SHISA9: variants seen among roughly 807,000 people sequenced by gnomAD.
The protein encoded by SHISA9 is shisa family member 9.
In SHISA9, 13 loss-of-function variants were observed where a neutral mutation model predicts 38.0. That is an observed-to-expected ratio of 0.34 (90% CI 0.22 to 0.54). The LOEUF is 0.54. SHISA9 is among the 20% of genes least tolerant of loss of function. The pLI is 0.91. For synonymous variants in SHISA9, 275 were observed against 242.0 expected (o/e 1.14, Z -1.27); for missense variants, 538 against 575.8 (o/e 0.93, Z 0.67).
At chr16:13,011,748 C>T (rs534798495) in intron 2 of SHISA9, among the ~76,000 whole-genome samples, 14 of 152,302 alleles carry the variant, frequency 9.2e-5, no homozygotes, top group Non-Finnish European at 1.9e-4. Context: ...GTGTCGATCC[C>T]TTGACCTCGT....
chr16:13,288,305 G>A, the SHISA9 span, among the ~76,000 whole-genome samples: 1 of 152,144 alleles, frequency 6.6e-6, no homozygotes, highest in African/African-American at 2.4e-5. Context: ...ACGTTGCTGG[G>A]AAGAGGCAGT....
intron 2 of SHISA9, among the ~76,000 whole-genome samples, chr16:13,008,660 TCCCTTCCTCCCTCC>T (rs2072630392): frequency 8.6e-5 from 2 of 23,156 alleles, no homozygotes; most frequent in African/African-American, 4.2e-4. Flanking sequence ...CCTCCCTCCC[TCCCTTCCTCCCTCC>T]CTCCCTCTCT....
the SHISA9 span, among the ~76,000 whole-genome samples, chr16:13,367,708 GCGCGCA>G: frequency 0.077 from 8,943 of 116,244 alleles, 334 homozygotes; most frequent in South Asian, 0.13. Flanking sequence ...GCGCGCGCGC[GCGCGCA>G]CACACACACA....
At chr16:13,324,180 T>C in the SHISA9 span, among the ~76,000 whole-genome samples, 1 of 152,208 alleles carries the variant, frequency 6.6e-6, no homozygotes, top group Non-Finnish European at 1.5e-5. Context: ...TCTGCAGAAC[T>C]GTAAGGCAAA....
At chr16:13,157,154 G>A (rs137971343) in intron 2 of SHISA9, among the ~76,000 whole-genome samples, 7 of 151,802 alleles carry the variant, frequency 4.6e-5, no homozygotes, top group African/African-American at 1.5e-4. Flanking sequence ...TCCATCATCC[G>A]TCCATCCCCC....
the SHISA9 span, among the ~76,000 whole-genome samples, chr16:13,455,160 C>T: frequency 6.6e-6 from 1 of 152,004 alleles, no homozygotes; most frequent in Admixed American, 6.6e-5. Flanking sequence ...TATATACATA[C>T]CTTAGTATTT....
intron 2 of SHISA9, among the ~76,000 whole-genome samples, chr16:13,016,222 A>C (rs758839935): frequency 1.4e-4 from 22 of 151,822 alleles, no homozygotes; most frequent in Non-Finnish European, 2.1e-4. Context: ...TGATCTGCCT[A>C]TCTTGGCCTC....
intron 4 of SHISA9, among the ~76,000 whole-genome samples, chr16:13,225,838 T>A (rs1596749085): frequency 6.6e-6 from 1 of 152,076 alleles, no homozygotes; most frequent in Non-Finnish European, 1.5e-5. Flanking sequence ...TGGAGGAAGG[T>A]ATAGTTTAAT....
the SHISA9 span, among the ~76,000 whole-genome samples, chr16:13,306,840 G>A: frequency 6.6e-6 from 1 of 152,086 alleles, no homozygotes; most frequent in South Asian, 2.1e-4. Flanking sequence ...AAAATTTGTG[G>A]CCATATCTTA....
chr16:13,041,577 T>G (rs932921928), intron 2 of SHISA9, among the ~76,000 whole-genome samples: 1 of 152,234 alleles, frequency 6.6e-6, no homozygotes, highest in African/African-American at 2.4e-5. Context: ...TACCCTCTGA[T>G]TTATTTTGTG....
intron 2 of SHISA9, among the ~76,000 whole-genome samples, chr16:13,092,150 A>T (rs1282056286): frequency 6.6e-6 from 1 of 152,228 alleles, no homozygotes; most frequent in Non-Finnish European, 1.5e-5. Context: ...AACAGCAAAT[A>T]TTGCAGAACA....
chr16:13,367,746 A>ACACC, the SHISA9 span, among the ~76,000 whole-genome samples: 2 of 146,860 alleles, frequency 1.4e-5, no homozygotes, highest in East Asian at 2.0e-4. Flanking sequence ...ACACACACAC[A>ACACC]CACCCCTGAA....
chr16:13,062,466 A>C (rs919036031), intron 2 of SHISA9, among the ~76,000 whole-genome samples: 1 of 152,172 alleles, frequency 6.6e-6, no homozygotes, highest in Non-Finnish European at 1.5e-5. Flanking sequence ...CTTACCTGCC[A>C]CAACTGAGCA....
chr16:13,118,447 C>T (rs2074052448), intron 2 of SHISA9, among the ~76,000 whole-genome samples: 1 of 152,186 alleles, frequency 6.6e-6, no homozygotes, highest in Non-Finnish European at 1.5e-5. Flanking sequence ...CATGAGACAG[C>T]AAGAACAGGC....
intron 2 of SHISA9, among the ~76,000 whole-genome samples, chr16:13,083,044 G>C (rs1291431497): frequency 6.6e-6 from 1 of 152,196 alleles, no homozygotes; most frequent in African/African-American, 2.4e-5. Flanking sequence ...TGTGCACCCA[G>C]CTTAGCTGGG....
At chr16:13,082,097 C>T (rs1465289743) in intron 2 of SHISA9, among the ~76,000 whole-genome samples, 1 of 152,168 alleles carries the variant, frequency 6.6e-6, no homozygotes, top group Non-Finnish European at 1.5e-5. Context: ...CAGAACCCCC[C>T]AAAGGGGAAA....
chr16:13,104,860 A>G (rs1028384799), intron 2 of SHISA9, among the ~76,000 whole-genome samples: 4 of 152,184 alleles, frequency 2.6e-5, no homozygotes, highest in African/African-American at 4.8e-5. Context: ...ATATCAATAA[A>G]ACTTTTTATT....
At chr16:13,175,478 G>T (rs1322834883) in intron 2 of SHISA9, among the ~76,000 whole-genome samples, 1 of 152,196 alleles carries the variant, frequency 6.6e-6, no homozygotes, top group African/African-American at 2.4e-5. Flanking sequence ...AAAGTTATTT[G>T]CAGGCTGGGA....
chr16:13,382,246 G>C, the SHISA9 span, among the ~76,000 whole-genome samples: 1 of 152,148 alleles, frequency 6.6e-6, no homozygotes. Context: ...TATTTATTAT[G>C]ACTGGGCACA....
Sources: allele counts gnomAD v4.1 joint callset (sites outside exome capture counted in the v4.1 genomes callset), GRCh38; gene constraint gnomAD v4.1.1; transcripts MANE v1.5; gene names NCBI Gene and HGNC (gene_info 2026-07-23, HGNC 2026-07-21).